The following BPIFB4 variants were observed in gnomAD, a reference collection of about 807,000 sequenced individuals.
BPIFB4 encodes BPI fold containing family B member 4.
BPIFB4 carries 62 observed loss-of-function variants against 69.2 expected under a neutral mutation model. The ratio of observed to expected loss-of-function variants is 0.90; its 90% confidence interval spans 0.73 to 1.11. BPIFB4 has a LOEUF of 1.11. Ranked by LOEUF, BPIFB4 falls within the 50% of genes least tolerant of loss-of-function variation. The probability of loss-of-function intolerance (pLI) is 0.00; values close to 1 mark genes in which losing one functional copy is unlikely to be tolerated. For missense variants in BPIFB4, 789 were observed against 792.0 expected (o/e 1.00, Z 0.04); for synonymous variants, 330 against 332.7 (o/e 0.99, Z 0.09).
At chr20:33,082,597 G>T (rs1981267740) in intron 3 of BPIFB4, among the ~76,000 whole-genome samples, 1 of 152,174 alleles carries the variant, frequency 6.6e-6, no homozygotes, top group East Asian at 1.9e-4. Flanking sequence ...CTCTCAAAGT[G>T]CTGGGATTAC....
intron 7 of BPIFB4, among the ~76,000 whole-genome samples, chr20:33,087,753 C>CACACACACACACACAAAA (rs56030970): frequency 7.1e-6 from 1 of 140,750 alleles, no homozygotes. Flanking sequence ...CACACACACA[C>CACACACACACACACAAAA]AAGCATGCAT....
chr20:33,102,334 C>G (rs953118329), intron 14 of BPIFB4, among the ~76,000 whole-genome samples: 4 of 152,378 alleles, frequency 2.6e-5, no homozygotes, highest in Admixed American at 6.5e-5. Context: ...ATTTCCGCCC[C>G]ACGGGCAAGC....
At chr20:33,103,107 G>A (rs926459803) in intron 15 of BPIFB4, 93 bp downstream of exon 15, 22 of 1,428,292 alleles carry the variant, frequency 1.5e-5, no homozygotes, top group Middle Eastern at 2.2e-4. Flanking sequence ...GGCTGGCTGG[G>A]CATGGGGAGT....
chr20:33,094,952 G>C, intron 11 of BPIFB4, 148 bp from the exon 12 acceptor site: 1 of 752,234 alleles, frequency 1.3e-6, no homozygotes, highest in Non-Finnish European at 2.3e-6. Flanking sequence ...TGGGTAGGCA[G>C]GACTTCCCCA....
intron 7 of BPIFB4, among the ~76,000 whole-genome samples, chr20:33,088,111 A>G (rs910191810): frequency 1.1e-4 from 16 of 152,114 alleles, no homozygotes; most frequent in South Asian, 1.0e-3. Flanking sequence ...AAATTCTTAG[A>G]CCAAAAATCT....
chr20:33,079,987 C>T (rs1031372152), intron 1 of BPIFB4, among the ~76,000 whole-genome samples: 2 of 152,232 alleles, frequency 1.3e-5, no homozygotes, highest in African/African-American at 4.8e-5. Flanking sequence ...CAGCTGTTTG[C>T]TGATGCCAGA....
intron 7 of BPIFB4, among the ~76,000 whole-genome samples, chr20:33,086,633 G>A (rs780390695): frequency 6.6e-6 from 1 of 152,282 alleles, no homozygotes; most frequent in Admixed American, 6.5e-5. Context: ...GTGATCAGCT[G>A]GGATATCTTG....
intron 9 of BPIFB4, 69 bp from the exon 10 acceptor site, chr20:33,090,639 C>A: frequency 1.3e-6 from 2 of 1,593,008 alleles, no homozygotes; most frequent in South Asian, 2.2e-5. Flanking sequence ...TCCCCAGCCC[C>A]AGTGTATGAG....
rs1398547934 is a variant in BPIFB4 at position 33,086,105 on chromosome 20, G to A, written c.867G>A (p.Arg289=). ...CCATGGACCGCACGGGTTATCCTCG[G>A]CTGGTCATTGAGCGATGTGACACCC... is the stretch of plus-strand genomic sequence containing the variant. ...RLTMDRTGYP[R]LVIERCDTLL... is the part of the protein sequence containing the mutation. The change falls in exon 7 of 18, where the codon CGG becomes CGA. Residue 289 remains arginine, a synonymous_variant. Coordinates refer to ENST00000375483, the MANE Select transcript of BPIFB4 (RefSeq NM_182519.3). 2 of 1,613,384 alleles carry A rather than the reference G, an allele frequency of 1.2e-6. No individual in the cohort carries two copies. The highest frequency in any genetic ancestry group is 1.7e-6 in the Non-Finnish European group (2 of 1,179,482).
intron 11 of BPIFB4, 143 bp from the exon 12 acceptor site, chr20:33,094,957 T>A (rs1470596361): frequency 1.2e-5 from 9 of 782,362 alleles, no homozygotes; most frequent in Non-Finnish European, 1.7e-5. Context: ...AGGCAGGACT[T>A]CCCCAGGGGT....
chr20:33,096,871 G>A (rs1293455415), intron 12 of BPIFB4, among the ~76,000 whole-genome samples: 1 of 152,148 alleles, frequency 6.6e-6, no homozygotes, highest in African/African-American at 2.4e-5. Flanking sequence ...ATTTCTCTAT[G>A]GTCAGTTAAC....
intron 17 of BPIFB4, 97 bp downstream of exon 17, chr20:33,107,917 G>T (rs138103916): frequency 6.6e-6 from 7 of 1,060,098 alleles, no homozygotes; most frequent in Admixed American, 1.9e-5. Context: ...AAGAGGAAGA[G>T]AAGAGGAGGG....
Position 33,100,912 on chromosome 20 carries a change from G to A in BPIFB4, c.1637+419G>A, listed in dbSNP as rs960860591. On this transcript the variant is annotated intron_variant, in intron 14 of 17. Transcript: ENST00000375483. ...CGTGTAGTCCTAGAAAAAATTAGCC[G>A]GGCTTGGTATCCATGTGCCTGTAAT... 1.1e-4 allele frequency among the ~76,000 whole-genome samples: 11 copies of A among 102,216 alleles called. No homozygotes were observed. In the East Asian group the frequency reaches 1.6e-3, roughly 15 times the overall value. 67.1% of individuals were successfully genotyped at this position (102,216 alleles called of 152,430 possible).
chr20:33,103,940 C>T (rs1331243703), intron 15 of BPIFB4, among the ~76,000 whole-genome samples: 1 of 152,120 alleles, frequency 6.6e-6, no homozygotes, highest in East Asian at 1.9e-4. Context: ...CGAGATGGGC[C>T]CTAGGCACTG....
At chr20:33,100,275 A>G in intron 13 of BPIFB4, 151 bp from the exon 14 acceptor site, 1 of 586,982 alleles carries the variant, frequency 1.7e-6, no homozygotes, top group Non-Finnish European at 3.1e-6. Flanking sequence ...ATGCTTATAA[A>G]AGGAGGTCTG....
At chr20:33,109,346 T>C (rs914922864) in intron 17 of BPIFB4, among the ~76,000 whole-genome samples, 12 of 152,340 alleles carry the variant, frequency 7.9e-5, no homozygotes, top group Admixed American at 7.2e-4. Flanking sequence ...CAGTGCCCCA[T>C]ACATAGTCTT....
rs187579139 is a variant in BPIFB4, at chr20:33,099,361, T to C, written c.1570-1065T>C. Among the ~76,000 whole-genome samples the C allele has an allele frequency of 1.8e-3, 280 of 152,292 alleles. 1 individual carries two copies. The highest frequency in any genetic ancestry group is 3.1e-3 in the Non-Finnish European group (210 of 68,024). On this transcript the variant is annotated intron_variant, in intron 13 of 17. Transcript: ENST00000375483. ...GTCGATTCTAGCCCACGAGTGGGAA[T>C]GGCTGTCCCAATCTGTCCTCCATCA... is the stretch of plus-strand genomic sequence containing the variant.
chr20:33,100,574 C>T, intron 14 of BPIFB4, 81 bp downstream of exon 14: 1 of 1,338,314 alleles, frequency 7.5e-7, no homozygotes. Context: ...GTAGAGGTCT[C>T]CTGTGTGGCC....
At chr20:33,104,956 C>T (rs986488808) in intron 16 of BPIFB4, 83 bp downstream of exon 16, 1 of 1,371,620 alleles carries the variant, frequency 7.3e-7, no homozygotes, top group African/African-American at 1.4e-5. Flanking sequence ...GCTGGATGTG[C>T]ATCTATCCTA....
Sources: gnomAD v4.1 joint callset for allele counts (sites outside exome capture counted in the v4.1 genomes callset) on GRCh38, gnomAD v4.1.1 for gene constraint, MANE v1.5 for transcripts, NCBI Gene and HGNC (gene_info 2026-07-23, HGNC 2026-07-21) for gene names.